Variants in CEP170 observed in about 807,000 individuals in gnomAD.
CEP170 encodes centrosomal protein 170, also known as centrosomal protein of 170 kDa.
A neutral mutation model predicts 151.9 loss-of-function variants in CEP170; 21 were observed. The observed-to-expected ratio is 0.14, with a 90% CI of 0.10 to 0.20. CEP170 has a LOEUF of 0.20. Ranked by LOEUF, CEP170 falls within the 10% of genes least tolerant of loss-of-function variation. The pLI, the probability that CEP170 is intolerant of heterozygous loss-of-function variation, is 1.00. For synonymous variants in CEP170, 356 were observed against 648.8 expected (o/e 0.55, Z 6.86); for missense variants, 964 against 1,892.9 (o/e 0.51, Z 9.11).
chr1:243,235,183 A>G (rs1230002030), intron 1 of CEP170, among the ~76,000 whole-genome samples: 1 of 152,192 alleles, frequency 6.6e-6, no homozygotes, highest in Non-Finnish European at 1.5e-5. Flanking sequence ...TAAATGAATA[A>G]GAAAACCTCA....
intron 4 of CEP170, among the ~76,000 whole-genome samples, chr1:243,204,420 T>C (rs1364079782): frequency 1.3e-5 from 2 of 152,212 alleles, no homozygotes; most frequent in Non-Finnish European, 2.9e-5. Flanking sequence ...TGGGCCATTA[T>C]GCAGGAATAT....
chr1:243,195,692 A>C (rs1173420207), intron 7 of CEP170, among the ~76,000 whole-genome samples: 5 of 152,094 alleles, frequency 3.3e-5, no homozygotes, highest in African/African-American at 1.2e-4. Flanking sequence ...AAAAAGTTTA[A>C]GTTTTTAAAA....
chr1:243,240,225 G>C (rs2064691351), intron 1 of CEP170, among the ~76,000 whole-genome samples: 1 of 152,308 alleles, frequency 6.6e-6, no homozygotes, highest in South Asian at 2.1e-4. Context: ...TAGGAGAATT[G>C]CTTGAACCTG....
intron 11 of CEP170, among the ~76,000 whole-genome samples, chr1:243,170,417 T>G (rs990406620): frequency 2.6e-5 from 4 of 151,816 alleles, no homozygotes; most frequent in African/African-American, 4.8e-5. Context: ...ATTTAATACA[T>G]TAATAATGAC....
At chr1:243,219,729 G>A (rs2062623446) in intron 3 of CEP170, among the ~76,000 whole-genome samples, 1 of 152,166 alleles carries the variant, frequency 6.6e-6, no homozygotes, top group Non-Finnish European at 1.5e-5. Flanking sequence ...TTGTCAAAAT[G>A]TTCCACATAT....
chr1:243,251,377 A>G (rs1337887492), intron 1 of CEP170, among the ~76,000 whole-genome samples: 15 of 152,226 alleles, frequency 9.9e-5, no homozygotes. Context: ...GAGTAGAAAG[A>G]ATTTTGGCTT....
chr1:243,238,742 T>C (rs894369909), intron 1 of CEP170, among the ~76,000 whole-genome samples: 4 of 152,220 alleles, frequency 2.6e-5, no homozygotes, highest in Admixed American at 1.3e-4. Context: ...TCAGTCCACA[T>C]ATTAGTAGTA....
intron 4 of CEP170, among the ~76,000 whole-genome samples, chr1:243,210,016 A>C (rs775659279): frequency 3.7e-4 from 56 of 152,176 alleles, no homozygotes; most frequent in Non-Finnish European, 7.2e-4. Context: ...TTAAAATAAT[A>C]AAATTATATG....
At chr1:243,220,839 G>A (rs1454634463) in intron 3 of CEP170, among the ~76,000 whole-genome samples, 2 of 152,122 alleles carry the variant, frequency 1.3e-5, no homozygotes, top group East Asian at 3.8e-4. Flanking sequence ...CAGACCAAAT[G>A]AAGAAATAAG....
At chr1:243,131,134 G>GTT (rs1311633998) in intron 17 of CEP170, among the ~76,000 whole-genome samples, 1 of 151,832 alleles carries the variant, frequency 6.6e-6, no homozygotes, top group Admixed American at 6.6e-5. Context: ...GTGAAAATGG[G>GTT]TTTTTCACGG....
chr1:243,198,383 T>C (rs999054791), intron 7 of CEP170, among the ~76,000 whole-genome samples: 139 of 152,164 alleles, frequency 9.1e-4, no homozygotes, highest in Non-Finnish European at 1.6e-3. Flanking sequence ...CAGAACTATT[T>C]TTTCATTCTG....
intron 14 of CEP170, among the ~76,000 whole-genome samples, chr1:243,149,012 G>A (rs2056810292): frequency 1.3e-5 from 2 of 152,094 alleles, no homozygotes; most frequent in Non-Finnish European, 1.5e-5. Context: ...TTTAATGAGT[G>A]GCCTGATTAG....
Position 243,225,307 on chromosome 1 carries a change from C to A in CEP170, c.-27G>T. The A allele has an allele frequency of 1.4e-6, 2 of 1,402,308 alleles. No individual in the cohort carries two copies. Among genetic ancestry groups the A allele is most frequent in the Admixed American group, 2.2e-5 (1 of 45,026 alleles). The allele number at this position is 1,402,308 out of a possible 1,614,324, so 86.9% of individuals were successfully genotyped here. A position where few individuals can be genotyped will look rare whatever the true frequency, so the allele number is the denominator to read the frequency against. ...TTCTGCTTAGCTTCTAAGTCTTTGGCAAAGCTACGTCATCCTGAAGAGAAA... is the reference window on the plus strand; with the variant it reads ...TTCTGCTTAGCTTCTAAGTCTTTGGAAAAGCTACGTCATCCTGAAGAGAAA... On this transcript the variant is annotated 5_prime_UTR_variant, in exon 2 of 20. Coordinates refer to ENST00000366542, the MANE Select transcript of CEP170 (RefSeq NM_014812.3).
chr1:243,201,099 G>C (rs927988375), intron 4 of CEP170, among the ~76,000 whole-genome samples: 49 of 152,018 alleles, frequency 3.2e-4, no homozygotes, highest in African/African-American at 1.1e-3. Flanking sequence ...TAATTTATCA[G>C]AGCACAGAGA....
intron 1 of CEP170, among the ~76,000 whole-genome samples, chr1:243,230,511 C>T (rs1312410105): frequency 2.0e-5 from 3 of 151,884 alleles, no homozygotes; most frequent in South Asian, 2.1e-4. Context: ...AAAAAATTAG[C>T]AAAACAGTGT....
At chr1:243,207,701 G>A (rs1301365618) in intron 4 of CEP170, among the ~76,000 whole-genome samples, 1 of 149,498 alleles carries the variant, frequency 6.7e-6, no homozygotes, top group Non-Finnish European at 1.5e-5. Context: ...TGAGCAAAAT[G>A]GAATTAGAAA....
chr1:243,126,330 A>T lies in CEP170; in HGVS notation c.*119T>A. On this transcript the variant is annotated 3_prime_UTR_variant, in exon 20 of 20. Coordinates refer to ENST00000366542, the MANE Select transcript of CEP170 (RefSeq NM_014812.3). ...AAAATAAATAAATAAAATTAAGAAG[A>T]CAGGGATTCCAAGATTGTAGCTGAC... is the stretch of plus-strand genomic sequence containing the variant. 8.1e-6 allele frequency: 8 copies of T among 982,780 alleles called. No individual in the cohort carries two copies. In the South Asian group the frequency reaches 1.2e-4, roughly 15 times the overall value. The allele number at this position is 982,780 out of a possible 1,614,324, so 60.9% of individuals were successfully genotyped here. A position where few individuals can be genotyped will look rare whatever the true frequency, so the allele number is the denominator to read the frequency against.
In CEP170 at chr1:243,128,186, C is replaced by T. The variant is rs1394487587; in HGVS notation, c.4465+63G>A. ...CATCCTAACAATATTTTAAGAAATACCACTCAGAAGGCACTTATTCTAAAT... is the reference window on the plus strand; with the variant it reads ...CATCCTAACAATATTTTAAGAAATATCACTCAGAAGGCACTTATTCTAAAT... On this transcript the variant is annotated intron_variant, in intron 19 of 19. Coordinates refer to ENST00000366542, the MANE Select transcript of CEP170 (RefSeq NM_014812.3). The T allele has an allele frequency of 2.9e-6, 4 of 1,365,606 alleles. No homozygotes were observed. In the African/African-American group the frequency reaches 4.6e-5, roughly 16 times the overall value. 84.6% of individuals were successfully genotyped at this position (1,365,606 alleles called of 1,614,324 possible).
chr1:243,156,119 T>C, intron 14 of CEP170, 102 bp downstream of exon 14: 2 of 1,313,252 alleles, frequency 1.5e-6, no homozygotes. Flanking sequence ...GGATTTCAGT[T>C]CTTAGACTAT....
Sources: allele counts gnomAD v4.1 joint callset (sites outside exome capture counted in the v4.1 genomes callset), GRCh38; gene constraint gnomAD v4.1.1; transcripts MANE v1.5; gene names NCBI Gene and HGNC (gene_info 2026-07-23, HGNC 2026-07-21).